Variants in GPATCH8 observed in about 807,000 individuals in gnomAD.
GPATCH8 encodes G-patch domain containing 8.
Under a neutral mutation model 118.3 loss-of-function variants are expected in GPATCH8, and 18 were observed. That is an observed-to-expected ratio of 0.15 (90% CI 0.11 to 0.23). GPATCH8 has a LOEUF of 0.23. Ranked by LOEUF, GPATCH8 falls within the 10% of genes least tolerant of loss-of-function variation. The pLI, the probability that GPATCH8 is intolerant of heterozygous loss-of-function variation, is 1.00. For synonymous variants in GPATCH8, 659 were observed against 684.7 expected (o/e 0.96, Z 0.59); for missense variants, 1,631 against 1,873.8 (o/e 0.87, Z 2.39).
Position 44,396,239 on chromosome 17 carries a change from CCAGA to C in GPATCH8, c.*1325_*1328del, listed in dbSNP as rs766113388. ...TACCCAGGGAAACCCAGGAATCCCC[CCAGA>C]CAATCACCAAATCTCACTGCTTCCA... On this transcript the variant is annotated 3_prime_UTR_variant, in exon 8 of 8. Coordinates refer to ENST00000591680, the MANE Select transcript of GPATCH8 (RefSeq NM_001002909.4). 9 of 454,506 alleles carry C rather than the reference CCAGA, an allele frequency of 2.0e-5. No individual in the cohort carries two copies. The highest frequency in any genetic ancestry group is 4.7e-5 in the Admixed American group (2 of 42,562). The allele number at this position is 454,506 out of a possible 1,614,324, so 28.2% of individuals were successfully genotyped here.
intron 6 of GPATCH8, among the ~76,000 whole-genome samples, chr17:44,422,094 T>G (rs1439454145): frequency 6.6e-6 from 1 of 152,176 alleles, no homozygotes; most frequent in East Asian, 1.9e-4. Flanking sequence ...ATTTCTTAAT[T>G]GAAAAAATTC....
At position 44,395,686 on chromosome 17, in the gene GPATCH8, C is replaced by G. The variant is rs1211189188; in HGVS notation, c.*1882G>C. 2.2e-6 allele frequency: 1 copy of G among 454,120 alleles called. No homozygotes were observed. Among genetic ancestry groups the G allele is most frequent in the South Asian group, 1.6e-5 (1 of 64,478 alleles). The allele number at this position is 454,120 out of a possible 1,614,324, so 28.1% of individuals were successfully genotyped here. A position where few individuals can be genotyped will look rare whatever the true frequency, so the allele number is the denominator to read the frequency against. On this transcript the variant is annotated 3_prime_UTR_variant, in exon 8 of 8. Coordinates refer to ENST00000591680, the MANE Select transcript of GPATCH8 (RefSeq NM_001002909.4). ...GAGGGCAGTCAAGAGTTGTGTTTGC[C>G]TGCCACTTTCTTTTCATAAACTTTA...
chr17:44,427,579 T>G (rs1439585283), intron 5 of GPATCH8, among the ~76,000 whole-genome samples: 1 of 151,954 alleles, frequency 6.6e-6, no homozygotes, highest in African/African-American at 2.4e-5. Context: ...ATACAAATAA[T>G]AAAAAACTGG....
intron 3 of GPATCH8, among the ~76,000 whole-genome samples, chr17:44,446,578 G>C (rs903378814): frequency 1.3e-5 from 2 of 151,850 alleles, no homozygotes; most frequent in African/African-American, 4.8e-5. Context: ...AAATAAAGGA[G>C]TTAGACAAAT....
intron 6 of GPATCH8, among the ~76,000 whole-genome samples, chr17:44,411,767 CAT>C (rs2049441704): frequency 6.6e-6 from 1 of 152,198 alleles, no homozygotes; most frequent in African/African-American, 2.4e-5. Context: ...GCAATGTACA[CAT>C]AGTTGTCTAT....
chr17:44,487,397 C>T lies in GPATCH8; in HGVS notation c.46-12494G>A, dbSNP rs1484091221. Among the ~76,000 whole-genome samples, 3 of 152,284 alleles carry T rather than the reference C, an allele frequency of 2.0e-5. No individual in the cohort carries two copies. The East Asian group carries it at 5.8e-4, about 29-fold the overall frequency. On this transcript the variant is annotated intron_variant, in intron 1 of 7. Coordinates refer to ENST00000591680, the MANE Select transcript of GPATCH8 (RefSeq NM_001002909.4). Reference sequence around the variant, plus strand: ...GTATACCACAGTTTACTTATCCATTCACCTACTGAAGGATATCTGGACTGC... The same window carrying T: ...GTATACCACAGTTTACTTATCCATTTACCTACTGAAGGATATCTGGACTGC...
intron 3 of GPATCH8, among the ~76,000 whole-genome samples, chr17:44,444,582 G>A (rs943503508): frequency 6.6e-6 from 1 of 152,276 alleles, no homozygotes; most frequent in Middle Eastern, 3.4e-3. Flanking sequence ...AGATCAGCCT[G>A]GCCAACATGG....
intron 6 of GPATCH8, among the ~76,000 whole-genome samples, chr17:44,420,169 C>T (rs1000160476): frequency 7.9e-5 from 12 of 151,864 alleles, no homozygotes; most frequent in African/African-American, 2.9e-4. Flanking sequence ...TATTAGTGAA[C>T]AGGCAGTCCA....
chr17:44,400,709 C>A lies in GPATCH8; in HGVS notation c.1368G>T (p.Lys456Asn). The A allele has an allele frequency of 6.2e-7, 1 of 1,611,114 alleles. No individual in the cohort carries two copies. Among genetic ancestry groups the A allele is most frequent in the Non-Finnish European group, 8.5e-7 (1 of 1,178,218 alleles). The change falls in exon 8 of 8, where the codon AAG (lysine) becomes AAT (asparagine). Residue 456 changes from lysine (K) to asparagine (N), a missense_variant. Lys to Asn is a moderately conservative substitution (Grantham distance 94, BLOSUM62 0). Around this residue, in one of 8 missense-constraint regions of GPATCH8, gnomAD observed 405 missense variants for 462.7 expected, o/e 0.88. Coordinates refer to ENST00000591680, the MANE Select transcript of GPATCH8 (RefSeq NM_001002909.4). ...GCTGCTCAGAGACTTCACTAACTGTCTTTTCTGCTCCTTGGCTTGCTGCCG... is the reference window on the plus strand; with the variant it reads ...GCTGCTCAGAGACTTCACTAACTGTATTTTCTGCTCCTTGGCTTGCTGCCG... ...IKAAASQGAE[K>N]TVSEVSEQPK...
intron 3 of GPATCH8, among the ~76,000 whole-genome samples, chr17:44,437,470 C>G (rs1267481383): frequency 6.6e-6 from 1 of 152,008 alleles, no homozygotes; most frequent in Non-Finnish European, 1.5e-5. Flanking sequence ...CCGTTGTACA[C>G]CTTTAGTGAA....
intron 7 of GPATCH8, among the ~76,000 whole-genome samples, chr17:44,404,013 T>C (rs539535408): frequency 1.3e-5 from 2 of 151,880 alleles, no homozygotes; most frequent in Non-Finnish European, 2.9e-5. Flanking sequence ...TCTCTTGCTA[T>C]CTAAACTATT....
chr17:44,413,299 C>G (rs962395392), intron 6 of GPATCH8, among the ~76,000 whole-genome samples: 5 of 152,198 alleles, frequency 3.3e-5, no homozygotes, highest in African/African-American at 1.2e-4. Flanking sequence ...GAGACAGAGT[C>G]TCCCTCTATC....
chr17:44,422,919 A>T (rs1413626885), intron 6 of GPATCH8, among the ~76,000 whole-genome samples: 1 of 152,088 alleles, frequency 6.6e-6, no homozygotes, highest in East Asian at 1.9e-4. Context: ...TTGTCTATAT[A>T]TATATGCTCT....
chr17:44,483,169 AAAAAAAAATATAT>A (rs1304861977), intron 1 of GPATCH8, among the ~76,000 whole-genome samples: 3 of 26,856 alleles, frequency 1.1e-4, no homozygotes, highest in Non-Finnish European at 1.6e-4. Flanking sequence ...AAAAAAAAAA[AAAAAAAAATATAT>A]ATATATATAT....
In GPATCH8 at chr17:44,398,723, T is replaced by TTTA; in HGVS notation, c.3351_3353dup (p.Asn1117dup). The TTTA allele has an allele frequency of 6.2e-7, 1 of 1,608,322 alleles. No individual in the cohort carries two copies. Among genetic ancestry groups the TTTA allele is most frequent in the Non-Finnish European group, 8.5e-7 (1 of 1,175,978 alleles). On this transcript the variant is annotated inframe_insertion, in exon 8 of 8. Coordinates refer to ENST00000591680, the MANE Select transcript of GPATCH8 (RefSeq NM_001002909.4). ...GGGGGTCCTTGAGCTTGGGCCCAGC[T>TTTA]TTATTAGGGGTGGCCTGCACCTCCT...
chr17:44,493,042 G>C (rs536999393), intron 1 of GPATCH8, among the ~76,000 whole-genome samples: 1 of 132,902 alleles, frequency 7.5e-6, no homozygotes, highest in East Asian at 2.2e-4. Context: ...ACCAATGGTG[G>C]TAAGCCATTA....
chr17:44,419,178 C>T (rs2049802579), intron 6 of GPATCH8, among the ~76,000 whole-genome samples: 1 of 152,202 alleles, frequency 6.6e-6, no homozygotes, highest in Non-Finnish European at 1.5e-5. Context: ...TAGTTTACTA[C>T]TAACGTAATA....
Position 44,405,876 on chromosome 17 carries a change from G to A in GPATCH8, c.623+45C>T, listed in dbSNP as rs2049201702. On this transcript the variant is annotated intron_variant, in intron 7 of 7. Coordinates refer to ENST00000591680, the MANE Select transcript of GPATCH8 (RefSeq NM_001002909.4). ...TGAAATCTATAATTTAAAATTTTAA[G>A]GATTATAATTATCTGTACAACCCTC... 3.0e-6 allele frequency: 4 copies of A among 1,319,250 alleles called. No homozygotes were observed. In the East Asian group the frequency reaches 9.2e-5, roughly 30 times the overall value. 81.7% of individuals were successfully genotyped at this position (1,319,250 alleles called of 1,614,324 possible).
chr17:44,428,937 C>A (rs1025548619), intron 5 of GPATCH8, among the ~76,000 whole-genome samples: 2 of 151,868 alleles, frequency 1.3e-5, no homozygotes, highest in Non-Finnish European at 1.5e-5. Flanking sequence ...GTCAGGAGAT[C>A]GAGACCATCC....
Sources: gnomAD v4.1 joint callset for allele counts (sites outside exome capture counted in the v4.1 genomes callset) on GRCh38, gnomAD v4.1.1 for gene constraint, gnomAD v4.1.1 regional missense constraint, MANE v1.5 for transcripts, NCBI Gene and HGNC (gene_info 2026-07-23, HGNC 2026-07-21) for gene names.